The following PPIB variants were observed in gnomAD, a reference collection of about 807,000 sequenced individuals.
PPIB encodes peptidyl-prolyl cis-trans isomerase B.
PPIB carries 15 observed loss-of-function variants against 20.1 expected under a neutral mutation model. That is an observed-to-expected ratio of 0.75 (90% confidence interval 0.50 to 1.15). The LOEUF is 1.15. Among genes scored for constraint, PPIB ranks in the 50% most tolerant of loss-of-function variants. PPIB has a pLI of 0.00. For synonymous variants in PPIB, 129 were observed against 111.0 expected (o/e 1.16, Z -1.02); for missense variants, 278 against 283.0 (o/e 0.98, Z 0.13).
chr15:64,160,285 A>G lies in PPIB; in HGVS notation c.250-88T>C. 9.4e-7 allele frequency: 1 copy of G among 1,066,494 alleles called. No homozygotes were observed. The highest frequency in any genetic ancestry group is 2.4e-5 in the East Asian group (1 of 41,320). The allele number at this position is 1,066,494 out of a possible 1,614,324, so 66.1% of individuals were successfully genotyped here. On this transcript the variant is annotated intron_variant, in intron 2 of 4. Coordinates refer to ENST00000300026, the MANE Select transcript of PPIB (RefSeq NM_000942.5). The surrounding 1 kb of genome is among the most constrained non-coding windows in gnomAD (Gnocchi z 4.8). ...TAGGCCTCACAGGAACAAGTCCACA[A>G]CTCCTGCTCGCAGAAGAGACACCAC...
Position 64,162,863 on chromosome 15 carries a change from C to T in PPIB, c.124G>A (p.Val42Ile), listed in dbSNP as rs137883097. ...AADEKKKGPK[V>I]TVKVYFDLRI... is the part of the protein sequence containing the mutation. ...GGACTCCACCGGACCTTGACGGTGACTTTGGGCCCCTTCTTCTTCTCATCG... is the reference window on the plus strand; with the variant it reads ...GGACTCCACCGGACCTTGACGGTGATTTTGGGCCCCTTCTTCTTCTCATCG... Residue 42 changes from valine to isoleucine, a missense_variant, in exon 1 of 5, where the codon GTC becomes ATC. Physicochemically the swap from Val to Ile is conservative, Grantham distance 29. Transcript: ENST00000300026. The T allele has an allele frequency of 1.7e-5, 27 of 1,611,436 alleles. No homozygotes were observed. The highest frequency in any genetic ancestry group is 1.3e-5 in the Non-Finnish European group (15 of 1,179,164).
Position 64,161,654 on chromosome 15 carries a change from G to A in PPIB, c.249+387C>T, listed in dbSNP as rs1326955269. On this transcript the variant is annotated intron_variant, in intron 2 of 4. Coordinates refer to ENST00000300026, the MANE Select transcript of PPIB (RefSeq NM_000942.5). This position sits in a 1 kb window ranked among gnomAD's most constrained non-coding sequence, Gnocchi z 4.2. ...GCAGGAGAATCACTTAAACCCGGGAGGCGGAGGTTGCAGTGAGCTGAGGCC... is the reference window on the plus strand; with the variant it reads ...GCAGGAGAATCACTTAAACCCGGGAAGCGGAGGTTGCAGTGAGCTGAGGCC... Among the ~76,000 whole-genome samples the A allele has an allele frequency of 6.6e-6, 1 of 151,976 alleles. No homozygotes were observed. The highest frequency in any genetic ancestry group is 1.5e-5 in the Non-Finnish European group (1 of 67,992).
rs372796450 is a variant in PPIB, at chr15:64,160,231, A to G, written c.250-34T>C. The G allele has an allele frequency of 3.9e-6, 6 of 1,530,074 alleles. No individual in the cohort carries two copies. In the African/African-American group the frequency reaches 6.8e-5, roughly 17 times the overall value. 94.8% of individuals were successfully genotyped at this position (1,530,074 alleles called of 1,614,324 possible). On this transcript the variant is annotated intron_variant, in intron 2 of 4. Coordinates refer to ENST00000300026, the MANE Select transcript of PPIB (RefSeq NM_000942.5). The surrounding 1 kb of genome is among the most constrained non-coding windows in gnomAD (Gnocchi z 4.8). ...AGGGAAGAGAAGGTAAGGAGGTGGT[A>G]TGGGGCAGCAGGAAGACATTACATT... is the stretch of plus-strand genomic sequence containing the variant.
Position 64,156,148 on chromosome 15 carries a change from G to C in PPIB, c.529-3C>G. On this transcript the variant is annotated splice_region_variant and splice_polypyrimidine_tract_variant and intron_variant, in intron 4 of 4. Transcript: ENST00000300026. The surrounding 1 kb of genome is among the most constrained non-coding windows in gnomAD (Gnocchi z 6.4). Reference sequence around the variant, plus strand: ...CTCTCCACCTTCCGCACCACCTCCTGGAAAAGAAAGGTGGAAGCAGGAGGG... The same window carrying C: ...CTCTCCACCTTCCGCACCACCTCCTCGAAAAGAAAGGTGGAAGCAGGAGGG... 2 of 1,614,060 alleles carry C rather than the reference G, an allele frequency of 1.2e-6. No individual in the cohort carries two copies. The highest frequency in any genetic ancestry group is 1.1e-5 in the South Asian group (1 of 91,068).
rs576038501 is a variant in PPIB, at chr15:64,158,548, C to A, written c.343+1556G>T. Among the ~76,000 whole-genome samples the A allele has an allele frequency of 2.6e-4, 39 of 152,334 alleles. No individual in the cohort carries two copies. The highest frequency in any genetic ancestry group is 1.0e-3 in the Admixed American group (16 of 15,300). ...AGCCTGCCTGCCCTAGCCTCCACATCCTGGATCTGCCACCACATGACTCCC... is the reference window on the plus strand; with the variant it reads ...AGCCTGCCTGCCCTAGCCTCCACATACTGGATCTGCCACCACATGACTCCC... On this transcript the variant is annotated intron_variant, in intron 3 of 4. Coordinates refer to ENST00000300026, the MANE Select transcript of PPIB (RefSeq NM_000942.5). This position sits in a 1 kb window ranked among gnomAD's most constrained non-coding sequence, Gnocchi z 4.7.
rs1221000050 is a variant in PPIB, at chr15:64,156,362, C to G, written c.529-217G>C. On this transcript the variant is annotated intron_variant, in intron 4 of 4. Transcript: ENST00000300026. The surrounding 1 kb of genome is among the most constrained non-coding windows in gnomAD (Gnocchi z 6.4). ...GGAATTTTGTTCCTTTGAAGTAAGA[C>G]CCAGGTTGGGCCAAGGGTGAGGAGG... 5 of 700,918 alleles carry G rather than the reference C, an allele frequency of 7.1e-6. No individual in the cohort carries two copies. The highest frequency in any genetic ancestry group is 1.8e-5 in the African/African-American group (1 of 56,818). 43.4% of individuals were successfully genotyped at this position (700,918 alleles called of 1,614,324 possible).
rs758291391 is a variant in PPIB, at chr15:64,156,175, A to C, written c.529-30T>G. On this transcript the variant is annotated intron_variant, in intron 4 of 4. Transcript: ENST00000300026. This position sits in a 1 kb window ranked among gnomAD's most constrained non-coding sequence, Gnocchi z 6.4. ...AAAAGAAAGGTGGAAGCAGGAGGGC[A>C]TGGTGGATCAGGAGGTCCACCGCTC... is the stretch of plus-strand genomic sequence containing the variant. 4 of 1,613,420 alleles carry C rather than the reference A, an allele frequency of 2.5e-6. No individual in the cohort carries two copies. The South Asian group carries it at 4.4e-5, about 18-fold the overall frequency.
chr15:64,156,405 G>A lies in PPIB; in HGVS notation c.529-260C>T, dbSNP rs1596027691. 3.2e-6 allele frequency: 2 copies of A among 625,976 alleles called. No individual in the cohort carries two copies. The highest frequency in any genetic ancestry group is 5.7e-6 in the Non-Finnish European group (2 of 352,686). 38.8% of individuals were successfully genotyped at this position (625,976 alleles called of 1,614,324 possible). On this transcript the variant is annotated intron_variant, in intron 4 of 4. Transcript: ENST00000300026. This position sits in a 1 kb window ranked among gnomAD's most constrained non-coding sequence, Gnocchi z 6.4. ...TGAGGAGGAGGAAGAGGGTGACCAG[G>A]GCATGTGGCTTCTCAGGGACATTGC...
At position 64,157,062 on chromosome 15, in the gene PPIB, C is replaced by G. The variant is rs2081538671; in HGVS notation, c.344-153G>C. 1 of 831,466 alleles carries G rather than the reference C, an allele frequency of 1.2e-6. No homozygotes were observed. The highest frequency in any genetic ancestry group is 2.7e-5 in the East Asian group (1 of 37,450). The allele number at this position is 831,466 out of a possible 1,614,324, so 51.5% of individuals were successfully genotyped here. ...ATAAAAGCAGCGTCCTTCCTATCTT[C>G]TGGCCTCAGAGCCAAGCCATGCTGA... On this transcript the variant is annotated intron_variant, in intron 3 of 4. Coordinates refer to ENST00000300026, the MANE Select transcript of PPIB (RefSeq NM_000942.5). This position sits in a 1 kb window ranked among gnomAD's most constrained non-coding sequence, Gnocchi z 4.2.
In PPIB at chr15:64,156,662, TG is replaced by T; in HGVS notation, c.528+62del. The T allele has an allele frequency of 6.3e-7, 1 of 1,593,094 alleles. No individual in the cohort carries two copies. Among genetic ancestry groups the T allele is most frequent in the Non-Finnish European group, 8.6e-7 (1 of 1,160,976 alleles). ...GGATGGACACATGGAGCTCCTGCCC[TG>T]GGGTCTGTGTTGAATCCCCGGTGAG... On this transcript the variant is annotated intron_variant, in intron 4 of 4. Transcript: ENST00000300026. The surrounding 1 kb of genome is among the most constrained non-coding windows in gnomAD (Gnocchi z 6.4).
chr15:64,159,845 TATA>T lies in PPIB; in HGVS notation c.343+256_343+258del. ...GAGGTATCAGGAAAGGTCACCAGGCTATAGGCCTGGATCAGCAGGACGGTCACC... is the reference window on the plus strand; with the variant it reads ...GAGGTATCAGGAAAGGTCACCAGGCTGGCCTGGATCAGCAGGACGGTCACC... On this transcript the variant is annotated intron_variant, in intron 3 of 4. Transcript: ENST00000300026. The surrounding 1 kb of genome is among the most constrained non-coding windows in gnomAD (Gnocchi z 5.1). 1 of 576,414 alleles carries T rather than the reference TATA, an allele frequency of 1.7e-6. No homozygotes were observed. The highest frequency in any genetic ancestry group is 3.0e-5 in the Admixed American group (1 of 33,464). 35.7% of individuals were successfully genotyped at this position (576,414 alleles called of 1,614,324 possible).
In PPIB at chr15:64,158,565, A is replaced by G. The variant is rs1456000637; in HGVS notation, c.343+1539T>C. The stretch of plus-strand genomic sequence containing the variant: ...CTCCACATCCTGGATCTGCCACCAC[A>G]TGACTCCCCTGGCACCCCAAGTGAG... On this transcript the variant is annotated intron_variant, in intron 3 of 4. Coordinates refer to ENST00000300026, the MANE Select transcript of PPIB (RefSeq NM_000942.5). This position sits in a 1 kb window ranked among gnomAD's most constrained non-coding sequence, Gnocchi z 4.7. Among the ~76,000 whole-genome samples the G allele has an allele frequency of 1.3e-5, 2 of 152,038 alleles. No homozygotes were observed. Among genetic ancestry groups the G allele is most frequent in the African/African-American group, 2.4e-5 (1 of 41,378 alleles).
At position 64,162,174 on chromosome 15, in the gene PPIB, C is replaced by T. The variant is rs2081566977; in HGVS notation, c.136-20G>A. On this transcript the variant is annotated intron_variant, in intron 1 of 4. Transcript: ENST00000300026. ...ATACACCTGAGGAAAGAGACCATTTCCAACTTAGCTTCTTTAAAGGGGCGT... is the reference window on the plus strand; with the variant it reads ...ATACACCTGAGGAAAGAGACCATTTTCAACTTAGCTTCTTTAAAGGGGCGT... 2 of 1,575,344 alleles carry T rather than the reference C, an allele frequency of 1.3e-6. No homozygotes were observed. The highest frequency in any genetic ancestry group is 1.7e-4 in the Middle Eastern group (1 of 6,018).
In PPIB at chr15:64,162,978, G is replaced by T; in HGVS notation, c.9C>A (p.Arg3=). The change falls in exon 1 of 5, where the codon CGC becomes CGA. Residue 3 remains arginine, a synonymous_variant. Coordinates refer to ENST00000300026, the MANE Select transcript of PPIB (RefSeq NM_000942.5). ...GCACCTTCATGTTGCGTTCGGAGAG[G>T]CGCAGCATCCACAGGCGGAGGCGAA... ML[R]LSERNMKVLL... 2 of 1,613,176 alleles carry T rather than the reference G, an allele frequency of 1.2e-6. No homozygotes were observed. Among genetic ancestry groups the T allele is most frequent in the Non-Finnish European group, 1.7e-6 (2 of 1,179,804 alleles).
At position 64,161,305 on chromosome 15, in the gene PPIB, A is replaced by T. The variant is rs2081562307; in HGVS notation, c.249+736T>A. On this transcript the variant is annotated intron_variant, in intron 2 of 4. Coordinates refer to ENST00000300026, the MANE Select transcript of PPIB (RefSeq NM_000942.5). The surrounding 1 kb of genome is among the most constrained non-coding windows in gnomAD (Gnocchi z 4.2). ...TATTTTTTTTTTGAGACAGGGTCTC[A>T]CTCTATTGCTCAGGCTGGAGTGCAG... Among the ~76,000 whole-genome samples the T allele has an allele frequency of 6.7e-6, 1 of 149,166 alleles. No homozygotes were observed. Among genetic ancestry groups the T allele is most frequent in the South Asian group, 2.1e-4 (1 of 4,716 alleles).
intron 1 of PPIB, among the ~76,000 whole-genome samples, chr15:64,162,610 C>T (rs908463289): frequency 6.6e-6 from 1 of 152,206 alleles, no homozygotes. Context: ...AAAAAGCCTG[C>T]TCTGAGACTG....
In PPIB at chr15:64,157,928, G is replaced by A. The variant is rs1416908250; in HGVS notation, c.344-1019C>T. Among the ~76,000 whole-genome samples, 2 of 152,100 alleles carry A rather than the reference G, an allele frequency of 1.3e-5. No homozygotes were observed. Among genetic ancestry groups the A allele is most frequent in the African/African-American group, 4.8e-5 (2 of 41,416 alleles). ...GTGCTCCACCTCTCACCCCCACGCT[G>A]GGGAGACTGGACTCTGCCACATGTG... On this transcript the variant is annotated intron_variant, in intron 3 of 4. Transcript: ENST00000300026. This position sits in a 1 kb window ranked among gnomAD's most constrained non-coding sequence, Gnocchi z 4.2.
In PPIB at chr15:64,157,031, A is replaced by G. The variant is rs2081538447; in HGVS notation, c.344-122T>C. 1 of 1,038,096 alleles carries G rather than the reference A, an allele frequency of 9.6e-7. No individual in the cohort carries two copies. The highest frequency in any genetic ancestry group is 1.4e-6 in the Non-Finnish European group (1 of 716,024). The allele number at this position is 1,038,096 out of a possible 1,614,324, so 64.3% of individuals were successfully genotyped here. A position where few individuals can be genotyped will look rare whatever the true frequency, so the allele number is the denominator to read the frequency against. ...GCCAGGCTAGGCTGGAGTGGACTAC[A>G]AGGACATAAAAGCAGCGTCCTTCCT... On this transcript the variant is annotated intron_variant, in intron 3 of 4. Coordinates refer to ENST00000300026, the MANE Select transcript of PPIB (RefSeq NM_000942.5). This position sits in a 1 kb window ranked among gnomAD's most constrained non-coding sequence, Gnocchi z 4.2.
Position 64,156,426 on chromosome 15 carries a change from A to G in PPIB, c.529-281T>C, listed in dbSNP as rs1270847684. The G allele has an allele frequency of 3.6e-5, 22 of 617,826 alleles. No homozygotes were observed. The South Asian group carries it at 4.2e-4, about 12-fold the overall frequency. 38.3% of individuals were successfully genotyped at this position (617,826 alleles called of 1,614,324 possible). A position where few individuals can be genotyped will look rare whatever the true frequency, so the allele number is the denominator to read the frequency against. Reference sequence around the variant, plus strand: ...CCAGGGCATGTGGCTTCTCAGGGACATTGCGTTCAGCTGCACTCTGTATAC... The same window carrying G: ...CCAGGGCATGTGGCTTCTCAGGGACGTTGCGTTCAGCTGCACTCTGTATAC... On this transcript the variant is annotated intron_variant, in intron 4 of 4. Transcript: ENST00000300026. The surrounding 1 kb of genome is among the most constrained non-coding windows in gnomAD (Gnocchi z 6.4).
Sources: gnomAD v4.1 joint callset for allele counts (sites outside exome capture counted in the v4.1 genomes callset) on GRCh38, gnomAD v4.1.1 for gene constraint, Gnocchi (gnomAD v3.1) non-coding constraint, MANE v1.5 for transcripts, NCBI Gene and HGNC (gene_info 2026-07-23, HGNC 2026-07-21) for gene names.